The following GABBR2 variants were observed in gnomAD, a reference collection of about 807,000 sequenced individuals.
GABBR2 encodes gamma-aminobutyric acid type B receptor subunit 2.
GABBR2 carries 23 observed loss-of-function variants against 105.6 expected under a neutral mutation model. The observed-to-expected ratio is 0.22, with a 90% confidence interval of 0.16 to 0.31. GABBR2 has a LOEUF of 0.31. Ranked by LOEUF, GABBR2 falls within the 10% of genes least tolerant of loss-of-function variation. The probability of loss-of-function intolerance (pLI) is 1.00; values close to 1 mark genes in which losing one functional copy is unlikely to be tolerated. For missense variants in GABBR2, 734 were observed against 1,245.5 expected (o/e 0.59, Z 6.18); for synonymous variants, 478 against 499.7 (o/e 0.96, Z 0.58).
intron 11 of GABBR2, among the ~76,000 whole-genome samples, chr9:98,372,558 A>G (rs1313048352): frequency 6.6e-6 from 1 of 152,156 alleles, no homozygotes; most frequent in African/African-American, 2.4e-5. Context: ...GTGGTAGGGG[A>G]AAAAGAGAGG....
intron 8 of GABBR2, among the ~76,000 whole-genome samples, chr9:98,400,265 T>C (rs149917844): frequency 4.3e-4 from 65 of 150,952 alleles, no homozygotes; most frequent in African/African-American, 1.6e-3. Flanking sequence ...AAATGACTAA[T>C]AAGCACAGAA....
intron 11 of GABBR2, among the ~76,000 whole-genome samples, chr9:98,373,461 A>T (rs10818833): frequency 0.15 from 22,267 of 151,964 alleles, 2,011 homozygotes; most frequent in African/African-American, 0.24. Context: ...CGATGCTTTG[A>T]CCCGGTCCAG....
At chr9:98,389,152 G>A in intron 9 of GABBR2, 148 bp from the exon 10 acceptor site, 1 of 611,178 alleles carries the variant, frequency 1.6e-6, no homozygotes, top group East Asian at 2.7e-5. Flanking sequence ...CAGATCCGGT[G>A]GTTGGCCAGT....
At chr9:98,324,004 T>A (rs1286361051) in intron 13 of GABBR2, among the ~76,000 whole-genome samples, 1 of 152,032 alleles carries the variant, frequency 6.6e-6, no homozygotes. Flanking sequence ...CCCTAGGAGG[T>A]TAGTAGGGCC....
At chr9:98,574,966 C>A (rs1828886638) in intron 2 of GABBR2, among the ~76,000 whole-genome samples, 2 of 152,304 alleles carry the variant, frequency 1.3e-5, no homozygotes, top group South Asian at 4.1e-4. Context: ...TCCCTCTGAT[C>A]ATTGAGCAGA....
At chr9:98,654,206 C>G (rs1179127779) in intron 1 of GABBR2, among the ~76,000 whole-genome samples, 1 of 152,178 alleles carries the variant, frequency 6.6e-6, no homozygotes, top group Non-Finnish European at 1.5e-5. Flanking sequence ...TGTGGGTGTC[C>G]ACTCTTCCCT....
chr9:98,455,577 G>A (rs1257040111), intron 6 of GABBR2, among the ~76,000 whole-genome samples: 2 of 152,184 alleles, frequency 1.3e-5, no homozygotes, highest in African/African-American at 4.8e-5. Context: ...AGGGAGGGGG[G>A]GCGCGGCACC....
At chr9:98,557,650 G>A (rs1183003150) in intron 2 of GABBR2, among the ~76,000 whole-genome samples, 2 of 152,170 alleles carry the variant, frequency 1.3e-5, no homozygotes, top group African/African-American at 4.8e-5. Context: ...TTAGTCAGTG[G>A]TGTGCTTTGT....
intron 1 of GABBR2, among the ~76,000 whole-genome samples, chr9:98,695,512 G>C (rs1243797269): frequency 6.6e-6 from 1 of 152,172 alleles, no homozygotes; most frequent in Non-Finnish European, 1.5e-5. Context: ...GTGAAGCTCA[G>C]ACACAGATCA....
Position 98,299,214 on chromosome 9 carries a change from G to T in GABBR2, c.2542+10C>A, listed in dbSNP as rs1263190008. ...GTCCCTACCACATTCTGGGGCCCTG[G>T]CTCTCTTACCTGTGCTCTCAGTGAA... On this transcript the variant is annotated intron_variant, in intron 17 of 18. Coordinates refer to ENST00000259455, the MANE Select transcript of GABBR2 (RefSeq NM_005458.8). The T allele has an allele frequency of 6.2e-7, 1 of 1,612,758 alleles. No homozygotes were observed. Among genetic ancestry groups the T allele is most frequent in the Non-Finnish European group, 8.5e-7 (1 of 1,178,976 alleles).
intron 1 of GABBR2, among the ~76,000 whole-genome samples, chr9:98,641,129 G>GTTTTTTT (rs34931575): frequency 8.0e-6 from 1 of 125,238 alleles, no homozygotes; most frequent in Non-Finnish European, 1.8e-5. Context: ...CTGTGGTTTG[G>GTTTTTTT]TTTTTTTTTT....
intron 7 of GABBR2, among the ~76,000 whole-genome samples, chr9:98,450,984 C>A (rs549749125): frequency 1.3e-5 from 2 of 152,294 alleles, no homozygotes; most frequent in South Asian, 4.1e-4. Context: ...TTCTGTAGCT[C>A]TCTATTCATC....
intron 1 of GABBR2, among the ~76,000 whole-genome samples, chr9:98,654,235 A>G (rs752290125): frequency 6.6e-6 from 1 of 152,196 alleles, no homozygotes; most frequent in African/African-American, 2.4e-5. Context: ...GGTGCGCTCT[A>G]TGGAAACAGA....
intron 1 of GABBR2, among the ~76,000 whole-genome samples, chr9:98,643,935 A>G (rs1829999497): frequency 6.6e-6 from 1 of 152,178 alleles, no homozygotes; most frequent in Non-Finnish European, 1.5e-5. Context: ...GACACTGCCT[A>G]AGCCTCCGGG....
intron 1 of GABBR2, among the ~76,000 whole-genome samples, chr9:98,706,462 C>T (rs1023268365): frequency 6.6e-6 from 1 of 152,198 alleles, no homozygotes; most frequent in African/African-American, 2.4e-5. Context: ...TCTTCCTTCC[C>T]ACTGTTTTCT....
At chr9:98,611,173 C>T (rs113512910) in intron 1 of GABBR2, among the ~76,000 whole-genome samples, 47 of 152,286 alleles carry the variant, frequency 3.1e-4, no homozygotes, top group African/African-American at 9.1e-4. Flanking sequence ...CTCAGCCCCC[C>T]GGAGATAAAG....
At chr9:98,657,415 T>C (rs1363059615) in intron 1 of GABBR2, among the ~76,000 whole-genome samples, 2 of 152,246 alleles carry the variant, frequency 1.3e-5, no homozygotes, top group Non-Finnish European at 2.9e-5. Flanking sequence ...ACACACAGTG[T>C]GCCGTGGTCC....
chr9:98,594,380 G>A (rs987728672), intron 1 of GABBR2, among the ~76,000 whole-genome samples: 10 of 152,178 alleles, frequency 6.6e-5, no homozygotes, highest in Non-Finnish European at 1.2e-4. Context: ...CTGGATTCAC[G>A]GAAGAATGTG....
intron 8 of GABBR2, among the ~76,000 whole-genome samples, chr9:98,401,084 G>A (rs1360749262): frequency 6.6e-6 from 1 of 152,088 alleles, no homozygotes; most frequent in African/African-American, 2.4e-5. Context: ...AGAGAAGGAA[G>A]CCAACAGTTG....
Sources: allele counts gnomAD v4.1 joint callset (sites outside exome capture counted in the v4.1 genomes callset), GRCh38; gene constraint gnomAD v4.1.1; transcripts MANE v1.5; gene names NCBI Gene and HGNC (gene_info 2026-07-23, HGNC 2026-07-21).